Variants in FHIT observed in about 807,000 individuals in gnomAD.
FHIT encodes bis(5'-adenosyl)-triphosphatase.
In FHIT, 19 loss-of-function variants were observed where a neutral mutation model predicts 17.9. That is an observed-to-expected ratio of 1.06 (90% CI 0.74 to 1.56). FHIT has a LOEUF of 1.56. FHIT is among the 40% of genes most tolerant of loss of function. The probability of loss-of-function intolerance (pLI) is 0.00; values close to 1 mark genes in which losing one functional copy is unlikely to be tolerated. For synonymous variants in FHIT, 81 were observed against 69.7 expected (o/e 1.16, Z -0.81); for missense variants, 248 against 189.2 (o/e 1.31, Z -1.82).
chr3:60,034,797 T>C (rs1293778182), intron 5 of FHIT, among the ~76,000 whole-genome samples: 5 of 152,216 alleles, frequency 3.3e-5, no homozygotes, highest in Non-Finnish European at 7.3e-5. Flanking sequence ...ATTAGAATGA[T>C]ATTAAAGCCC....
At chr3:60,253,386 G>C (rs185267438) in intron 5 of FHIT, among the ~76,000 whole-genome samples, 236 of 152,288 alleles carry the variant, frequency 1.5e-3, no homozygotes, top group African/African-American at 5.5e-3. Context: ...AATTTGGGAT[G>C]ATGTGAAATG....
intron 5 of FHIT, among the ~76,000 whole-genome samples, chr3:60,128,829 G>A (rs76226884): frequency 0.19 from 28,388 of 152,068 alleles, 2,916 homozygotes; most frequent in Admixed American, 0.29. Flanking sequence ...CTCCTCTGAG[G>A]CAAGCTCCCT....
At chr3:60,557,560 C>G (rs1281067498) in intron 4 of FHIT, among the ~76,000 whole-genome samples, 2 of 151,786 alleles carry the variant, frequency 1.3e-5, no homozygotes, top group African/African-American at 4.8e-5. Flanking sequence ...GTCAAGCAGA[C>G]AGGCCAAGGG....
chr3:60,295,856 T>C (rs1708181278), intron 5 of FHIT, among the ~76,000 whole-genome samples: 2 of 152,112 alleles, frequency 1.3e-5, no homozygotes, highest in South Asian at 4.1e-4. Context: ...AGGAGGGTGA[T>C]ATGGTTTGGC....
intron 3 of FHIT, among the ~76,000 whole-genome samples, chr3:60,996,414 A>G (rs1466409875): frequency 4.6e-5 from 7 of 152,206 alleles, no homozygotes; most frequent in Admixed American, 4.6e-4. Flanking sequence ...TGTCAAACCA[A>G]CCACAGATAG....
intron 4 of FHIT, among the ~76,000 whole-genome samples, chr3:60,613,614 T>C (rs1212115357): frequency 2.0e-5 from 3 of 152,150 alleles, no homozygotes; most frequent in African/African-American, 7.2e-5. Flanking sequence ...CAACTCCCTT[T>C]ATATTCCTTC....
chr3:59,919,119 G>C (rs1009984179), intron 8 of FHIT, among the ~76,000 whole-genome samples: 6 of 152,126 alleles, frequency 3.9e-5, no homozygotes, highest in African/African-American at 1.4e-4. Context: ...TACAGAACTT[G>C]TAAAACCTGA....
At chr3:60,524,246 A>T (rs1395234106) in intron 5 of FHIT, among the ~76,000 whole-genome samples, 2 of 135,220 alleles carry the variant, frequency 1.5e-5, no homozygotes, top group African/African-American at 2.7e-5. Context: ...ACACACACAC[A>T]CAAATAAATT....
intron 8 of FHIT, among the ~76,000 whole-genome samples, chr3:59,888,612 G>T (rs1290508891): frequency 6.6e-6 from 1 of 152,104 alleles, no homozygotes; most frequent in Non-Finnish European, 1.5e-5. Flanking sequence ...TATCAGAAAG[G>T]AAATGGTCTA....
intron 3 of FHIT, among the ~76,000 whole-genome samples, chr3:60,942,961 T>C (rs1708485096): frequency 6.6e-6 from 1 of 152,196 alleles, no homozygotes. Flanking sequence ...TCCAAATGTA[T>C]AAAGTTTTGA....
At chr3:60,481,895 G>A (rs1486120585) in intron 5 of FHIT, among the ~76,000 whole-genome samples, 1 of 152,172 alleles carries the variant, frequency 6.6e-6, no homozygotes, top group East Asian at 1.9e-4. Context: ...TGGATAAAGA[G>A]TCAAGACCCA....
At chr3:60,632,637 G>C (rs1180652001) in intron 4 of FHIT, among the ~76,000 whole-genome samples, 4 of 152,112 alleles carry the variant, frequency 2.6e-5, no homozygotes, top group African/African-American at 9.7e-5. Flanking sequence ...AAACTTTCTA[G>C]AACAAGCTAA....
chr3:60,400,025 T>C (rs1047521580), intron 5 of FHIT, among the ~76,000 whole-genome samples: 12 of 152,142 alleles, frequency 7.9e-5, no homozygotes, highest in East Asian at 1.9e-4. Flanking sequence ...AGGTGCATTA[T>C]GTAAGTTAGC....
intron 5 of FHIT, among the ~76,000 whole-genome samples, chr3:60,309,084 G>T (rs560233909): frequency 1.3e-5 from 2 of 152,096 alleles, no homozygotes; most frequent in African/African-American, 4.8e-5. Context: ...ATTGACAGTT[G>T]TTTCCCTTTC....
intron 2 of FHIT, among the ~76,000 whole-genome samples, chr3:61,190,753 A>G (rs1471685902): frequency 6.6e-6 from 1 of 152,158 alleles, no homozygotes. Flanking sequence ...ATGCAGCCAT[A>G]AAAAATGATG....
At chr3:61,243,469 ATTC>A (rs2040418542) in intron 1 of FHIT, among the ~76,000 whole-genome samples, 1 of 152,226 alleles carries the variant, frequency 6.6e-6, no homozygotes, top group South Asian at 2.1e-4. Context: ...TAGCTTAATT[ATTC>A]TTCTGCTTTG....
intron 7 of FHIT, among the ~76,000 whole-genome samples, chr3:60,006,732 T>A (rs1231447741): frequency 6.6e-6 from 1 of 151,912 alleles, no homozygotes; most frequent in Non-Finnish European, 1.5e-5. Context: ...GAAGTTAATA[T>A]GGCTAATATT....
rs148677084 is a variant in FHIT at position 60,984,741 on chromosome 3, A to G, written c.-111+57306T>C. On this transcript the variant is annotated intron_variant, in intron 3 of 9. Coordinates refer to ENST00000492590, the MANE Select transcript of FHIT (RefSeq NM_002012.4). The stretch of plus-strand genomic sequence containing the variant: ...AAGCTACAATAGAATTGAATATAGT[A>G]GAACATATCTCAAATAATAATAAAG... Among the ~76,000 whole-genome samples the G allele has an allele frequency of 3.0e-3, 463 of 152,150 alleles. 1 individual carries two copies. The highest frequency in any genetic ancestry group is 4.8e-3 in the Non-Finnish European group (328 of 68,004).
intron 5 of FHIT, among the ~76,000 whole-genome samples, chr3:60,462,525 G>A (rs1331522254): frequency 6.6e-6 from 1 of 152,176 alleles, no homozygotes; most frequent in Admixed American, 6.5e-5. Context: ...AAGGCAGGGA[G>A]AACACCACTG....
Sources: allele counts gnomAD v4.1 joint callset (sites outside exome capture counted in the v4.1 genomes callset), GRCh38; gene constraint gnomAD v4.1.1; transcripts MANE v1.5; gene names NCBI Gene and HGNC (gene_info 2026-07-23, HGNC 2026-07-21).